ROBO2: variants seen among roughly 807,000 people sequenced by gnomAD.
ROBO2 encodes the protein roundabout homolog 2.
ROBO2 carries 53 observed loss-of-function variants against 160.8 expected under a neutral mutation model. The ratio of observed to expected loss-of-function variants is 0.33; its 90% CI spans 0.26 to 0.41. The LOEUF (loss-of-function observed/expected upper bound fraction) is 0.41, where lower values mean the gene tolerates loss of function less well. Among genes scored for constraint, ROBO2 ranks in the 10% least tolerant of loss-of-function variants. ROBO2 has a pLI of 1.00. For synonymous variants in ROBO2, 664 were observed against 611.7 expected (o/e 1.09, Z -1.26); for missense variants, 1,577 against 1,722.4 (o/e 0.92, Z 1.49).
chr3:77,294,838 T>G (rs955837916), intron 2 of ROBO2, among the ~76,000 whole-genome samples: 1 of 150,912 alleles, frequency 6.6e-6, no homozygotes, highest in Non-Finnish European at 1.5e-5. Context: ...AAATTAATGG[T>G]TAAACGGGAA....
intron 2 of ROBO2, among the ~76,000 whole-genome samples, chr3:76,305,256 T>C (rs962771084): frequency 2.0e-5 from 3 of 151,666 alleles, no homozygotes; most frequent in Non-Finnish European, 4.4e-5. Flanking sequence ...CCAGGTGCAG[T>C]TGTGAGTTCC....
intron 2 of ROBO2, among the ~76,000 whole-genome samples, chr3:76,096,944 C>T (rs910665726): frequency 6.6e-6 from 1 of 152,140 alleles, no homozygotes; most frequent in African/African-American, 2.4e-5. Context: ...ACTGACAAAA[C>T]TCTCTGTCTT....
At chr3:76,825,839 CAG>C (rs1559562047) in intron 2 of ROBO2, among the ~76,000 whole-genome samples, 1 of 151,906 alleles carries the variant, frequency 6.6e-6, no homozygotes. Context: ...CTTAACGTAA[CAG>C]ATTCCTAAAA....
At chr3:76,782,700 T>C (rs888381237) in intron 2 of ROBO2, among the ~76,000 whole-genome samples, 1 of 150,816 alleles carries the variant, frequency 6.6e-6, no homozygotes, top group Non-Finnish European at 1.5e-5. Flanking sequence ...TAACCAACTC[T>C]GCTCTGTTTT....
At chr3:77,547,471 C>G (rs1021580641) in intron 7 of ROBO2, among the ~76,000 whole-genome samples, 3 of 151,970 alleles carry the variant, frequency 2.0e-5, no homozygotes, top group African/African-American at 7.2e-5. Flanking sequence ...AAACCTTGGC[C>G]AGAGATGGGA....
chr3:77,322,913 A>ATATTATATATTATGGATAATATAATATAT (rs1410760987), intron 2 of ROBO2, among the ~76,000 whole-genome samples: 1 of 112,636 alleles, frequency 8.9e-6, no homozygotes, highest in African/African-American at 3.7e-5. Context: ...GTATTATAAT[A>ATATTATATATTATGGATAATATAATATAT]TATTATATAT....
intron 2 of ROBO2, among the ~76,000 whole-genome samples, chr3:77,136,142 A>G (rs1368229025): frequency 6.6e-6 from 1 of 152,206 alleles, no homozygotes; most frequent in East Asian, 1.9e-4. Flanking sequence ...TATATTCTAC[A>G]CATAATGTGG....
At chr3:76,490,680 A>G (rs994350652) in intron 2 of ROBO2, among the ~76,000 whole-genome samples, 1 of 152,136 alleles carries the variant, frequency 6.6e-6, no homozygotes, top group African/African-American at 2.4e-5. Context: ...AAAAAATGCA[A>G]CCCCAAACTT....
chr3:76,801,860 A>C (rs1463790714), intron 2 of ROBO2, among the ~76,000 whole-genome samples: 1 of 151,954 alleles, frequency 6.6e-6, no homozygotes, highest in Non-Finnish European at 1.5e-5. Flanking sequence ...TCCTTTTTTC[A>C]CTTGAGCCCT....
intron 2 of ROBO2, among the ~76,000 whole-genome samples, chr3:76,787,528 C>T (rs377512879): frequency 8.5e-4 from 129 of 151,370 alleles, no homozygotes; most frequent in African/African-American, 3.0e-3. Flanking sequence ...ACCACAAAAC[C>T]TACAAATGCT....
intron 2 of ROBO2, among the ~76,000 whole-genome samples, chr3:76,773,551 A>C (rs924131942): frequency 1.4e-5 from 2 of 146,566 alleles, no homozygotes; most frequent in African/African-American, 2.6e-5. Flanking sequence ...CTTCAAAATT[A>C]AGGGTCTTAT....
At chr3:77,094,978 C>T (rs1310844304) in intron 1 of ROBO2, among the ~76,000 whole-genome samples, 1 of 151,910 alleles carries the variant, frequency 6.6e-6, no homozygotes, top group Non-Finnish European at 1.5e-5. Flanking sequence ...TTTTCTGATT[C>T]TGTGGGTAGT....
At chr3:77,536,356 A>C (rs1158243515) in intron 6 of ROBO2, among the ~76,000 whole-genome samples, 2 of 151,900 alleles carry the variant, frequency 1.3e-5, no homozygotes, top group African/African-American at 2.4e-5. Context: ...TTAATCTAAA[A>C]GAACAAATCA....
chr3:76,302,733 G>A lies in ROBO2; in HGVS notation c.109+365131G>A, dbSNP rs188959229. 1.6e-4 allele frequency among the ~76,000 whole-genome samples: 24 copies of A among 152,134 alleles called. No homozygotes were observed. The East Asian group carries it at 2.1e-3, about 13-fold the overall frequency. Reference sequence around the variant, plus strand: ...AGGCTGTGTCATATAACCTAGGTGCGTAGCAAACTATACCATCTAGGTTTG... The same window carrying A: ...AGGCTGTGTCATATAACCTAGGTGCATAGCAAACTATACCATCTAGGTTTG... On this transcript the variant is annotated intron_variant, in intron 2 of 26. Coordinates refer to the ROBO2 transcript ENST00000487694.
chr3:76,679,313 A>G (rs973913092), intron 2 of ROBO2, among the ~76,000 whole-genome samples: 4 of 152,104 alleles, frequency 2.6e-5, no homozygotes, highest in African/African-American at 9.7e-5. Flanking sequence ...CATTTTATAG[A>G]CATTTATTTT....
At chr3:77,553,417 G>C (rs1426902007) in intron 8 of ROBO2, among the ~76,000 whole-genome samples, 1 of 151,792 alleles carries the variant, frequency 6.6e-6, no homozygotes, top group South Asian at 2.1e-4. Context: ...CTCTACAGTG[G>C]CCTCCATGTG....
chr3:77,233,247 A>G (rs187296632), intron 2 of ROBO2, among the ~76,000 whole-genome samples: 1 of 152,346 alleles, frequency 6.6e-6, no homozygotes, highest in African/African-American at 2.4e-5. Flanking sequence ...TAATATCAAT[A>G]AGGTGAAGCC....
intron 2 of ROBO2, among the ~76,000 whole-genome samples, chr3:77,289,017 A>G (rs2153383136): frequency 6.6e-6 from 1 of 152,202 alleles, no homozygotes; most frequent in South Asian, 2.1e-4. Context: ...GGCATTGGTG[A>G]GTTTTGTTTC....
intron 2 of ROBO2, among the ~76,000 whole-genome samples, chr3:76,276,537 G>A (rs989127023): frequency 1.3e-4 from 19 of 151,776 alleles, no homozygotes; most frequent in Non-Finnish European, 2.1e-4. Flanking sequence ...TATTCTAAAC[G>A]TTTCCATATT....
Sources: allele counts gnomAD v4.1 joint callset (sites outside exome capture counted in the v4.1 genomes callset), GRCh38; gene constraint gnomAD v4.1.1; transcripts MANE v1.5; gene names NCBI Gene and HGNC (gene_info 2026-07-23, HGNC 2026-07-21).